SLC35D1: variants seen among roughly 807,000 people sequenced by gnomAD.
The protein encoded by SLC35D1 is nucleotide sugar transporter SLC35D1.
In SLC35D1, 31 loss-of-function variants were observed where a neutral mutation model predicts 46.7. That is an observed-to-expected ratio of 0.66 (90% CI 0.50 to 0.90). The LOEUF (loss-of-function observed/expected upper bound fraction) is 0.90, where lower values mean the gene tolerates loss of function less well. SLC35D1 is among the 40% of genes least tolerant of loss of function. SLC35D1 has a pLI of 0.00. For synonymous variants in SLC35D1, 195 were observed against 164.6 expected (o/e 1.18, Z -1.41); for missense variants, 397 against 426.2 (o/e 0.93, Z 0.60).
chr1:67,052,269 T>C (rs546170128), intron 3 of SLC35D1, among the ~76,000 whole-genome samples, 190 bp from the exon 4 acceptor site: 1 of 152,168 alleles, frequency 6.6e-6, no homozygotes, highest in African/African-American at 2.4e-5. Context: ...AACATTACTA[T>C]AGCAGAAAGA....
At chr1:66,979,008 G>A in the SLC35D1 span, among the ~76,000 whole-genome samples, 19 of 152,164 alleles carry the variant, frequency 1.2e-4, no homozygotes, top group Admixed American at 8.5e-4. Flanking sequence ...TGGTCACCTG[G>A]TATAATGGTA....
At chr1:67,051,344 T>C (rs765287216) in intron 4 of SLC35D1, among the ~76,000 whole-genome samples, 1 of 152,148 alleles carries the variant, frequency 6.6e-6, no homozygotes, top group African/African-American at 2.4e-5. Flanking sequence ...AGCCATGGGG[T>C]TTCTGTTAAA....
chr1:67,016,721 TCTTAA>T (rs763603630), intron 10 of SLC35D1, among the ~76,000 whole-genome samples: 63 of 152,284 alleles, frequency 4.1e-4, no homozygotes, highest in Non-Finnish European at 7.5e-4. Flanking sequence ...TTATAAATAT[TCTTAA>T]CTTATCAGAA....
At chr1:67,021,706 GACACAGACACAGACACAGACACACAC>G (rs1667805382) in intron 8 of SLC35D1, 104 bp from the exon 9 acceptor site, 27 of 243,356 alleles carry the variant, frequency 1.1e-4, no homozygotes, top group South Asian at 3.1e-4. Context: ...CACAGACACA[GACACAGACACAGACACAGACACACAC>G]ACACACACAC....
the SLC35D1 span, chr1:66,985,017 G>A: frequency 2.8e-6 from 4 of 1,405,704 alleles, no homozygotes; most frequent in Non-Finnish European, 3.7e-6. Flanking sequence ...TTTGAATTGA[G>A]TCTTAACTTT....
intron 10 of SLC35D1, among the ~76,000 whole-genome samples, chr1:67,010,038 C>A (rs1667531730): frequency 6.6e-6 from 1 of 152,198 alleles, no homozygotes; most frequent in Admixed American, 6.5e-5. Flanking sequence ...TTTGCAGCAA[C>A]ACGGATGCAG....
chr1:67,026,043 A>G (rs1384919188), intron 8 of SLC35D1, among the ~76,000 whole-genome samples: 1 of 152,168 alleles, frequency 6.6e-6, no homozygotes, highest in Non-Finnish European at 1.5e-5. Flanking sequence ...TCAACATAAC[A>G]CTGAATAGAA....
In SLC35D1 at chr1:67,053,002, C is replaced by T. The variant is rs1232501411; in HGVS notation, c.204-13G>A. The T allele has an allele frequency of 1.2e-6, 2 of 1,613,606 alleles. No individual in the cohort carries two copies. The highest frequency in any genetic ancestry group is 2.2e-5 in the South Asian group (2 of 91,074). ...TGAGGAGGGAAATCTACAAAAAGGGCAAAGAAAAAAACAAGATCAGAACAA... is the reference window on the plus strand; with the variant it reads ...TGAGGAGGGAAATCTACAAAAAGGGTAAAGAAAAAAACAAGATCAGAACAA... On this transcript the variant is annotated splice_polypyrimidine_tract_variant and intron_variant, in intron 1 of 11. Transcript: ENST00000235345.
At chr1:66,993,421 G>A in the SLC35D1 span, among the ~76,000 whole-genome samples, 98 of 152,240 alleles carry the variant, frequency 6.4e-4, 2 homozygotes, top group Non-Finnish European at 1.1e-3. Context: ...TATCTTCTGC[G>A]CACAGGCAAT....
chr1:66,982,058 T>G, the SLC35D1 span: 1 of 768,374 alleles, frequency 1.3e-6, no homozygotes, highest in Non-Finnish European at 2.1e-6. Flanking sequence ...AAACATAACA[T>G]CAGCATACAT....
chr1:67,041,053 A>G (rs1388024184), intron 8 of SLC35D1, among the ~76,000 whole-genome samples: 2 of 152,144 alleles, frequency 1.3e-5, no homozygotes, highest in East Asian at 1.9e-4. Flanking sequence ...CTCCTTCCAC[A>G]TTAGTAAAAT....
downstream of SLC35D1, among the ~76,000 whole-genome samples, chr1:66,996,383 T>A (rs1382782295): frequency 6.6e-6 from 1 of 152,234 alleles, no homozygotes; most frequent in Non-Finnish European, 1.5e-5. Flanking sequence ...AGAGCGGTGA[T>A]GAGTTTGGTA....
downstream of SLC35D1, among the ~76,000 whole-genome samples, chr1:66,998,983 G>A (rs11208985): frequency 0.17 from 25,112 of 152,062 alleles, 2,470 homozygotes; most frequent in Non-Finnish European, 0.2. Context: ...TATTTTATGT[G>A]TATTTTACCA....
intron 8 of SLC35D1, among the ~76,000 whole-genome samples, chr1:67,022,767 T>C (rs1287937991): frequency 1.3e-5 from 2 of 152,204 alleles, no homozygotes; most frequent in Admixed American, 6.5e-5. Flanking sequence ...TGTATAATCA[T>C]GTAACCACCA....
At chr1:67,036,365 C>T (rs138261596) in intron 8 of SLC35D1, among the ~76,000 whole-genome samples, 1,577 of 152,108 alleles carry the variant, frequency 0.01, 31 homozygotes, top group African/African-American at 0.036. Flanking sequence ...TGCATTCTTG[C>T]ATCAGTGTTT....
At chr1:67,006,073 C>T (rs1196683290) in intron 11 of SLC35D1, among the ~76,000 whole-genome samples, 1 of 152,006 alleles carries the variant, frequency 6.6e-6, no homozygotes, top group Non-Finnish European at 1.5e-5. Context: ...AGGTCGTGAA[C>T]TCCTGGGCTC....
chr1:66,985,111 T>C, the SLC35D1 span: 2 of 1,223,404 alleles, frequency 1.6e-6, no homozygotes, highest in Non-Finnish European at 1.0e-6. Flanking sequence ...TTTTAAAAAT[T>C]AGTAAATTTG....
At chr1:66,995,108 T>C (rs4486425), downstream of SLC35D1, among the ~76,000 whole-genome samples, 63,693 of 151,854 alleles carry the variant, frequency 0.42, 15,521 homozygotes, top group African/African-American at 0.67. Flanking sequence ...CACCTCCAGT[T>C]CTGCCCTTCC....
chr1:67,047,131 G>A (rs1289768637), intron 7 of SLC35D1, 134 bp downstream of exon 7: 4 of 688,984 alleles, frequency 5.8e-6, no homozygotes, highest in Non-Finnish European at 1.0e-5. Flanking sequence ...CTAAAGTACA[G>A]GAATTTTACC....
Sources: allele counts gnomAD v4.1 joint callset (sites outside exome capture counted in the v4.1 genomes callset), GRCh38; gene constraint gnomAD v4.1.1; transcripts MANE v1.5; gene names NCBI Gene and HGNC (gene_info 2026-07-23, HGNC 2026-07-21).